KLHL18: variants seen among roughly 807,000 people sequenced by gnomAD.
The protein encoded by KLHL18 is kelch-like protein 18.
KLHL18 carries 38 observed loss-of-function variants against 58.5 expected under a neutral mutation model. The observed-to-expected ratio is 0.65, with a 90% CI of 0.50 to 0.85. The LOEUF (loss-of-function observed/expected upper bound fraction) is 0.85. Ranked by LOEUF, KLHL18 falls within the 40% of genes least tolerant of loss-of-function variation. The pLI is 0.00. For missense variants in KLHL18, 624 were observed against 778.4 expected, an observed-to-expected ratio of 0.80 and a Z score of 2.36; for synonymous variants, 303 against 301.9, an observed-to-expected ratio of 1.00 and a Z score of -0.04.
chr3:47,339,836 G>A (rs1299530406), intron 7 of KLHL18, among the ~76,000 whole-genome samples: 3 of 151,792 alleles, frequency 2.0e-5, no homozygotes, highest in Non-Finnish European at 2.9e-5. Flanking sequence ...GCTGAGACAA[G>A]AGGACAGAAG....
At chr3:47,286,053 AAGAATC>A (rs1331518418) in intron 1 of KLHL18, among the ~76,000 whole-genome samples, 1 of 152,160 alleles carries the variant, frequency 6.6e-6, no homozygotes, top group African/African-American at 2.4e-5. Flanking sequence ...AAAAAAAAAA[AAGAATC>A]AGACGTAGTT....
intron 1 of KLHL18, among the ~76,000 whole-genome samples, chr3:47,287,752 T>C (rs1418029621): frequency 1.3e-5 from 2 of 152,246 alleles, no homozygotes; most frequent in East Asian, 3.9e-4. Flanking sequence ...CCCAAAGTGT[T>C]GGGATTACAG....
intron 1 of KLHL18, among the ~76,000 whole-genome samples, chr3:47,316,532 TATATATACATATATAC>T (rs1186016504): frequency 2.9e-4 from 2 of 6,898 alleles, no homozygotes; most frequent in African/African-American, 4.7e-4. Context: ...TATATATGTA[TATATATACATATATAC>T]ATATATACAT....
chr3:47,302,812 C>T (rs893852333), intron 1 of KLHL18, among the ~76,000 whole-genome samples: 8 of 152,090 alleles, frequency 5.3e-5, no homozygotes, highest in African/African-American at 1.4e-4. Context: ...TTTCAGTGCC[C>T]GTATCATAGA....
chr3:47,344,245 C>A lies in KLHL18; in HGVS notation c.*304C>A. ...ATCCAGGCCCAGCTCCTACCCACCG[C>A]CTCTCTGTGGGCCAGCTGTTCACAG... On this transcript the variant is annotated 3_prime_UTR_variant, in exon 10 of 10. Transcript: ENST00000232766. 1 of 411,158 alleles carries A rather than the reference C, an allele frequency of 2.4e-6. No homozygotes were observed. The allele number at this position is 411,158 out of a possible 1,614,324, so 25.5% of individuals were successfully genotyped here.
At chr3:47,326,093 G>A (rs1029679110) in intron 3 of KLHL18, among the ~76,000 whole-genome samples, 7 of 152,056 alleles carry the variant, frequency 4.6e-5, no homozygotes, top group Admixed American at 6.5e-5. Flanking sequence ...GGCTACAGGC[G>A]TGTGCCACCA....
chr3:47,332,172 A>G (rs1300332350), intron 4 of KLHL18, among the ~76,000 whole-genome samples: 1 of 152,102 alleles, frequency 6.6e-6, no homozygotes, highest in East Asian at 1.9e-4. Flanking sequence ...CAACATGGCA[A>G]AACCCCATCT....
At position 47,340,678 on chromosome 3, in the gene KLHL18, TAAGGA is replaced by T; in HGVS notation, c.1226+3_1226+7del. 10 of 1,613,998 alleles carry T rather than the reference TAAGGA, an allele frequency of 6.2e-6. No individual in the cohort carries two copies. The highest frequency in any genetic ancestry group is 7.6e-6 in the Non-Finnish European group (9 of 1,179,974). On this transcript the variant is annotated splice_donor_5th_base_variant and intron_variant, in intron 8 of 9. Transcript: ENST00000232766. Reference sequence around the variant, plus strand: ...GACCTACTCACCTGAGACGGACAAGTAAGGACTCCAGCTCCCTTGGGGCAACTGGA... The same window carrying T: ...GACCTACTCACCTGAGACGGACAAGTCTCCAGCTCCCTTGGGGCAACTGGA...
chr3:47,330,185 T>G (rs778418553), intron 4 of KLHL18, 36 bp downstream of exon 4: 3 of 1,564,838 alleles, frequency 1.9e-6, no homozygotes, highest in Non-Finnish European at 2.6e-6. Context: ...GCAGGTGACA[T>G]GAGATGCTGC....
chr3:47,287,125 G>A (rs974477775), intron 1 of KLHL18: 1 of 152,228 alleles, frequency 6.6e-6, no homozygotes, highest in Non-Finnish European at 1.5e-5. Context: ...TACTACTCAT[G>A]TGTCTTCTTT....
chr3:47,301,108 C>CT (rs1404812196), intron 1 of KLHL18, among the ~76,000 whole-genome samples: 1 of 151,812 alleles, frequency 6.6e-6, no homozygotes, highest in East Asian at 1.9e-4. Flanking sequence ...TTTTAGAGTT[C>CT]TTTACATATT....
At chr3:47,333,085 T>C (rs564875264) in intron 4 of KLHL18, 72 bp from the exon 5 acceptor site, 3 of 1,509,926 alleles carry the variant, frequency 2.0e-6, no homozygotes, top group Non-Finnish European at 2.7e-6. Flanking sequence ...AGTGGAGGCA[T>C]TGAGATTGGA....
chr3:47,295,858 T>A (rs1702885141), intron 1 of KLHL18, among the ~76,000 whole-genome samples: 1 of 152,146 alleles, frequency 6.6e-6, no homozygotes, highest in Non-Finnish European at 1.5e-5. Context: ...GTGTAGCCAC[T>A]GTGCCCGGCC....
At chr3:47,333,120 G>A (rs1703902100) in intron 4 of KLHL18, 37 bp from the exon 5 acceptor site, 1 of 1,598,834 alleles carries the variant, frequency 6.3e-7, no homozygotes, top group Non-Finnish European at 8.5e-7. Flanking sequence ...CCTCTGGGTG[G>A]GAGGATTTGC....
chr3:47,296,259 A>T (rs1344951062), intron 1 of KLHL18, among the ~76,000 whole-genome samples: 1 of 152,152 alleles, frequency 6.6e-6, no homozygotes, highest in Non-Finnish European at 1.5e-5. Flanking sequence ...TCCCCTCTAG[A>T]TGTTGAACTC....
At chr3:47,326,273 C>T (rs1162197855) in intron 3 of KLHL18, among the ~76,000 whole-genome samples, 1 of 152,180 alleles carries the variant, frequency 6.6e-6, no homozygotes, top group Non-Finnish European at 1.5e-5. Flanking sequence ...TTCTGAAATT[C>T]TCTCAGAGGT....
chr3:47,319,823 A>C, intron 2 of KLHL18, 40 bp downstream of exon 2: 1 of 1,607,510 alleles, frequency 6.2e-7, no homozygotes, highest in Non-Finnish European at 8.5e-7. Context: ...GCTGCTTTCC[A>C]AGTGCAGTTT....
intron 3 of KLHL18, among the ~76,000 whole-genome samples, chr3:47,328,399 A>G (rs1312176687): frequency 6.6e-6 from 1 of 151,986 alleles, no homozygotes; most frequent in African/African-American, 2.4e-5. Flanking sequence ...AAAAATTAAG[A>G]CAGCCATTAA....
chr3:47,338,699 G>C (rs1704040524), intron 7 of KLHL18: 1 of 152,236 alleles, frequency 6.6e-6, no homozygotes. Flanking sequence ...GCGGGCGCCT[G>C]TTATCCCAGC....
Sources: allele counts gnomAD v4.1 joint callset (sites outside exome capture counted in the v4.1 genomes callset), GRCh38; gene constraint gnomAD v4.1.1; transcripts MANE v1.5; gene names NCBI Gene and HGNC (gene_info 2026-07-23, HGNC 2026-07-21).